NCALD: variants seen among roughly 807,000 people sequenced by gnomAD.
NCALD encodes the protein neurocalcin delta.
A neutral mutation model predicts 18.6 loss-of-function variants in NCALD; 10 were observed. The observed-to-expected ratio is 0.54, with a 90% confidence interval of 0.33 to 0.91. The LOEUF (loss-of-function observed/expected upper bound fraction) is 0.91. NCALD is among the 40% of genes least tolerant of loss of function. The pLI, the probability that NCALD is intolerant of heterozygous loss-of-function variation, is 0.03. For missense variants in NCALD, 184 were observed against 247.6 expected (o/e 0.74, Z 1.72); for synonymous variants, 88 against 87.4 (o/e 1.01, Z -0.04).
intron 2 of NCALD, among the ~76,000 whole-genome samples, chr8:102,007,411 A>C (rs1273481662): frequency 6.6e-6 from 1 of 152,246 alleles, no homozygotes; most frequent in Non-Finnish European, 1.5e-5. Context: ...CAGGTGCCTG[A>C]ATCCGAATTT....
chr8:101,851,852 A>C lies in NCALD; in HGVS notation c.-20+35289T>G, dbSNP rs75448157. Among the ~76,000 whole-genome samples, 350 of 152,318 alleles carry C rather than the reference A, an allele frequency of 2.3e-3. 5 individuals carry two copies. Among genetic ancestry groups the C allele is most frequent in the African/African-American group, 7.9e-3 (327 of 41,574 alleles). ...AATATGTCCTTCCAAAATTTATGTT[A>C]AACTCTAATTTCCATTATAGTGATA... On this transcript the variant is annotated intron_variant, in intron 4 of 6. Transcript: ENST00000311028.
At chr8:101,823,366 T>C (rs1285921735) in intron 4 of NCALD, among the ~76,000 whole-genome samples, 2 of 152,200 alleles carry the variant, frequency 1.3e-5, no homozygotes, top group East Asian at 1.9e-4. Context: ...CAGGCATCAA[T>C]AGGAAAGACA....
intron 2 of NCALD, among the ~76,000 whole-genome samples, chr8:101,945,258 A>G (rs1444698214): frequency 6.6e-6 from 1 of 152,188 alleles, no homozygotes; most frequent in Non-Finnish European, 1.5e-5. Context: ...GCCAGGCATC[A>G]TGCTAGGCTC....
intron 2 of NCALD, among the ~76,000 whole-genome samples, chr8:102,002,097 T>C (rs1454051014): frequency 6.6e-5 from 10 of 151,796 alleles, no homozygotes; most frequent in South Asian, 4.2e-4. Context: ...GGATAAAGAG[T>C]CAAGACCCAT....
intron 4 of NCALD, among the ~76,000 whole-genome samples, chr8:101,844,720 T>A (rs116349149): frequency 1.3e-4 from 20 of 152,050 alleles, no homozygotes; most frequent in Non-Finnish European, 2.8e-4. Flanking sequence ...GAGACCCCTA[T>A]AGAGAGAGGA....
chr8:102,082,544 C>T (rs1316583845), intron 1 of NCALD, among the ~76,000 whole-genome samples: 1 of 152,128 alleles, frequency 6.6e-6, no homozygotes, highest in Non-Finnish European at 1.5e-5. Flanking sequence ...AACTCCCATT[C>T]CAGATGGTCA....
intron 1 of NCALD, among the ~76,000 whole-genome samples, chr8:101,765,816 T>C (rs777684442): frequency 3.9e-5 from 6 of 152,144 alleles, no homozygotes; most frequent in Non-Finnish European, 7.4e-5. Context: ...GATTAAGAGG[T>C]CATTTCAAAC....
chr8:102,026,729 G>A (rs2132121749), intron 1 of NCALD, among the ~76,000 whole-genome samples: 1 of 152,262 alleles, frequency 6.6e-6, no homozygotes, highest in South Asian at 2.1e-4. Flanking sequence ...ACTAGGCAGT[G>A]CCCCAGTGGA....
intron 1 of NCALD, among the ~76,000 whole-genome samples, chr8:102,067,885 G>C (rs772617430): frequency 6.6e-6 from 1 of 152,024 alleles, no homozygotes; most frequent in African/African-American, 2.4e-5. Flanking sequence ...CTCTTTCCTG[G>C]TCTAATACAA....
intron 2 of NCALD, among the ~76,000 whole-genome samples, chr8:102,007,216 A>C (rs1036938541): frequency 6.6e-5 from 10 of 152,330 alleles, no homozygotes; most frequent in Admixed American, 6.5e-4. Context: ...TTACTATACC[A>C]ATGTTTATTT....
At chr8:101,839,779 T>C (rs1814564945) in intron 4 of NCALD, among the ~76,000 whole-genome samples, 1 of 151,942 alleles carries the variant, frequency 6.6e-6, no homozygotes, top group African/African-American at 2.4e-5. Context: ...ATGTCAATCA[T>C]GGCACCAAAT....
At chr8:102,115,502 G>A (rs1273627149) in intron 1 of NCALD, among the ~76,000 whole-genome samples, 2 of 152,182 alleles carry the variant, frequency 1.3e-5, no homozygotes, top group Non-Finnish European at 2.9e-5. Flanking sequence ...ATGCCCTGGA[G>A]TGGACTTTTC....
chr8:101,942,785 C>T (rs1819005793), intron 2 of NCALD, among the ~76,000 whole-genome samples: 1 of 152,296 alleles, frequency 6.6e-6, no homozygotes, highest in South Asian at 2.1e-4. Flanking sequence ...TTCCCAAGGT[C>T]ACATAGCAAG....
At chr8:101,944,563 A>T (rs1200709091) in intron 2 of NCALD, among the ~76,000 whole-genome samples, 1 of 152,248 alleles carries the variant, frequency 6.6e-6, no homozygotes, top group Non-Finnish European at 1.5e-5. Context: ...CCTGCCTTCC[A>T]GTGCCCCAGA....
chr8:101,922,840 C>G (rs56137337), intron 2 of NCALD, among the ~76,000 whole-genome samples: 14,560 of 152,146 alleles, frequency 0.096, 781 homozygotes, highest in East Asian at 0.18. Flanking sequence ...AAATTACACA[C>G]AGTAAGAGAT....
intron 3 of NCALD, among the ~76,000 whole-genome samples, chr8:101,903,869 C>A (rs1396625926): frequency 6.6e-6 from 1 of 152,158 alleles, no homozygotes; most frequent in Non-Finnish European, 1.5e-5. Flanking sequence ...GTGTGTGTCT[C>A]CTGTATATCT....
chr8:101,881,068 CT>C (rs1235368726), intron 4 of NCALD, among the ~76,000 whole-genome samples: 1 of 152,086 alleles, frequency 6.6e-6, no homozygotes, highest in African/African-American at 2.4e-5. Context: ...ACATGTGACA[CT>C]TTAAGGCAGG....
chr8:101,930,348 T>C (rs140635729), intron 2 of NCALD, among the ~76,000 whole-genome samples: 147 of 152,154 alleles, frequency 9.7e-4, no homozygotes, highest in African/African-American at 3.3e-3. Context: ...TCCAACGCCA[T>C]CTCCCTGCTG....
At chr8:101,767,144 G>C (rs1366574763) in intron 1 of NCALD, among the ~76,000 whole-genome samples, 1 of 152,160 alleles carries the variant, frequency 6.6e-6, no homozygotes, top group African/African-American at 2.4e-5. Context: ...TACAATCTCT[G>C]TAAGTTTGGC....
Sources: gnomAD v4.1 joint callset for allele counts (sites outside exome capture counted in the v4.1 genomes callset) on GRCh38, gnomAD v4.1.1 for gene constraint, MANE v1.5 for transcripts, NCBI Gene and HGNC (gene_info 2026-07-23, HGNC 2026-07-21) for gene names.